PCDH15: variants seen among roughly 807,000 people sequenced by gnomAD.
PCDH15 encodes protocadherin-15.
PCDH15 carries 129 observed loss-of-function variants against 178.5 expected under a neutral mutation model. The observed-to-expected ratio is 0.72, with a 90% CI of 0.63 to 0.84. The LOEUF (loss-of-function observed/expected upper bound fraction) is 0.84, where lower values mean the gene tolerates loss of function less well. PCDH15 is among the 40% of genes least tolerant of loss of function. PCDH15 has a pLI of 0.00. For synonymous variants in PCDH15, 800 were observed against 732.0 expected (o/e 1.09, Z -1.50); for missense variants, 2,230 against 2,099.9 (o/e 1.06, Z -1.21).
chr10:55,044,736 T>A (rs780144264), intron 2 of PCDH15, among the ~76,000 whole-genome samples: 4 of 152,096 alleles, frequency 2.6e-5, no homozygotes, highest in Non-Finnish European at 5.9e-5. Flanking sequence ...CATTAAAAAA[T>A]TCCTAGTATA....
chr10:53,832,600 A>C (rs756539914), intron 29 of PCDH15, among the ~76,000 whole-genome samples: 21 of 151,708 alleles, frequency 1.4e-4, no homozygotes, highest in Non-Finnish European at 2.2e-4. Context: ...GGTGATATTA[A>C]ATATTTTATA....
intron 2 of PCDH15, among the ~76,000 whole-genome samples, chr10:54,953,258 C>T (rs1016546641): frequency 4.0e-5 from 6 of 151,320 alleles, no homozygotes; most frequent in Non-Finnish European, 1.5e-5. Flanking sequence ...ACATTCCTTT[C>T]CTCTATTTAT....
intron 3 of PCDH15, among the ~76,000 whole-genome samples, chr10:54,859,110 A>G (rs16906600): frequency 0.02 from 2,988 of 152,114 alleles, 96 homozygotes; most frequent in African/African-American, 0.066. Flanking sequence ...GTCTCAACTG[A>G]ATTCATATCA....
chr10:54,925,072 G>A (rs1416278714), intron 2 of PCDH15, among the ~76,000 whole-genome samples: 1 of 152,010 alleles, frequency 6.6e-6, no homozygotes, highest in Non-Finnish European at 1.5e-5. Flanking sequence ...CTTTTTTATA[G>A]TTTTGGGTTC....
At chr10:55,552,773 A>G (rs144347667) in intron 2 of PCDH15, among the ~76,000 whole-genome samples, 1 of 151,494 alleles carries the variant, frequency 6.6e-6, no homozygotes, top group African/African-American at 2.4e-5. Flanking sequence ...GGCTTTTATT[A>G]TAAACTATTA....
At chr10:55,326,643 AAC>A (rs1480759394) in intron 2 of PCDH15, among the ~76,000 whole-genome samples, 1 of 152,174 alleles carries the variant, frequency 6.6e-6, no homozygotes, top group African/African-American at 2.4e-5. Context: ...TTAGCAAATA[AAC>A]AGTTAACAGA....
intron 2 of PCDH15, among the ~76,000 whole-genome samples, chr10:54,925,623 C>G (rs1837601232): frequency 6.6e-6 from 1 of 152,070 alleles, no homozygotes; most frequent in South Asian, 2.1e-4. Flanking sequence ...ATTCTTTGAG[C>G]AGTGTTTTGT....
intron 2 of PCDH15, among the ~76,000 whole-genome samples, chr10:54,531,064 A>C (rs1464019131): frequency 6.6e-6 from 1 of 152,166 alleles, no homozygotes. Context: ...AGGGAAGACT[A>C]GAAAGCAATT....
At chr10:55,517,413 A>G (rs1841043095) in intron 2 of PCDH15, among the ~76,000 whole-genome samples, 1 of 152,108 alleles carries the variant, frequency 6.6e-6, no homozygotes, top group African/African-American at 2.4e-5. Context: ...AATACCTGAG[A>G]AACCCGTGAC....
intron 21 of PCDH15, among the ~76,000 whole-genome samples, chr10:53,969,003 G>C (rs1390202583): frequency 6.6e-6 from 1 of 152,194 alleles, no homozygotes; most frequent in African/African-American, 2.4e-5. Context: ...GATGGAGAAT[G>C]ACTTTGAGGA....
chr10:55,290,886 T>C (rs1291785692), intron 1 of PCDH15, among the ~76,000 whole-genome samples: 2 of 152,086 alleles, frequency 1.3e-5, no homozygotes, highest in East Asian at 1.9e-4. Context: ...CTCTGATTAA[T>C]GTGTGTTTAA....
chr10:54,518,997 G>C (rs2082540150), intron 3 of PCDH15, among the ~76,000 whole-genome samples: 1 of 152,112 alleles, frequency 6.6e-6, no homozygotes. Flanking sequence ...AAAGGCCTTT[G>C]ACAAAATTCA....
chr10:55,017,754 C>T (rs1442312233), intron 2 of PCDH15, among the ~76,000 whole-genome samples: 5 of 151,800 alleles, frequency 3.3e-5, no homozygotes, highest in Admixed American at 2.6e-4. Context: ...ATATAACATA[C>T]AGTAATCTTT....
Position 53,860,427 on chromosome 10 carries a change from G to GT in PCDH15, c.3718-3165dup, listed in dbSNP as rs940271035. On this transcript the variant is annotated intron_variant, in intron 27 of 37. Transcript: ENST00000644397. The stretch of plus-strand genomic sequence containing the variant: ...TGCTTTCTCTTCATCAGAAAGATAG[G>GT]TTACTTATTCAAAATACTTTAAGCC... Among the ~76,000 whole-genome samples the GT allele has an allele frequency of 2.0e-4, 30 of 151,880 alleles. 2 individuals carry two copies. Among genetic ancestry groups the GT allele is most frequent in the Admixed American group, 1.8e-3 (28 of 15,208 alleles).
rs551265206 is a variant in PCDH15 at position 55,472,630 on chromosome 10, G to A, written c.-156+154995C>T. Among the ~76,000 whole-genome samples the A allele has an allele frequency of 6.0e-4, 92 of 152,210 alleles. 2 individuals carry two copies. Among genetic ancestry groups the A allele is most frequent in the Non-Finnish European group, 2.4e-4 (16 of 67,996 alleles). The stretch of plus-strand genomic sequence containing the variant: ...GTCGCCCAGGCTGGAGTGCAGTGGC[G>A]CGGTCTGCGCTAACTGCAAGCTCCA... On this transcript the variant is annotated intron_variant, in intron 2 of 5. Coordinates refer to the PCDH15 transcript ENST00000613346.
At chr10:55,279,269 G>A (rs1015471192) in intron 1 of PCDH15, among the ~76,000 whole-genome samples, 1 of 152,110 alleles carries the variant, frequency 6.6e-6, no homozygotes, top group African/African-American at 2.4e-5. Context: ...CGATCTCTGA[G>A]GAGTTGTCAG....
chr10:53,895,723 G>C (rs1206460378), intron 26 of PCDH15, among the ~76,000 whole-genome samples: 2 of 152,192 alleles, frequency 1.3e-5, no homozygotes, highest in African/African-American at 4.8e-5. Flanking sequence ...AATTTGAAAA[G>C]TGTTTTTAAA....
At chr10:55,509,624 G>A (rs1840835325) in intron 2 of PCDH15, among the ~76,000 whole-genome samples, 1 of 151,790 alleles carries the variant, frequency 6.6e-6, no homozygotes, top group Non-Finnish European at 1.5e-5. Flanking sequence ...TTACACAAAT[G>A]TTTTACGGAA....
chr10:55,090,405 C>A (rs1006143744), intron 2 of PCDH15, among the ~76,000 whole-genome samples: 5 of 152,032 alleles, frequency 3.3e-5, no homozygotes, highest in African/African-American at 1.2e-4. Context: ...CAGGCTTGCT[C>A]AAGATCTAAC....
Sources: gnomAD v4.1 joint callset for allele counts (sites outside exome capture counted in the v4.1 genomes callset) on GRCh38, gnomAD v4.1.1 for gene constraint, MANE v1.5 for transcripts, NCBI Gene and HGNC (gene_info 2026-07-23, HGNC 2026-07-21) for gene names.